Variants in C6orf52 observed in about 807,000 individuals in gnomAD.
The protein encoded by C6orf52 is putative uncharacterized protein C6orf52.
C6orf52 carries 16 observed loss-of-function variants against 16.6 expected under a neutral mutation model. The ratio of observed to expected loss-of-function variants is 0.96; its 90% CI spans 0.65 to 1.46. The LOEUF (loss-of-function observed/expected upper bound fraction) is 1.46, where lower values mean the gene tolerates loss of function less well. Ranked by LOEUF, C6orf52 falls within the 40% of genes most tolerant of loss-of-function variation. The pLI is 0.00. For synonymous variants in C6orf52, 53 were observed against 61.4 expected, an observed-to-expected ratio of 0.86 and a Z score of 0.64; for missense variants, 166 against 182.3, an observed-to-expected ratio of 0.91 and a Z score of 0.52.
chr6:10,672,961 T>C (rs946394795), intron 4 of C6orf52, among the ~76,000 whole-genome samples: 3 of 152,258 alleles, frequency 2.0e-5, no homozygotes, highest in African/African-American at 4.8e-5. Context: ...TTAGTCATCA[T>C]ATAAATTCCA....
chr6:10,684,453 A>G (rs767384345), intron 3 of C6orf52, among the ~76,000 whole-genome samples: 1 of 152,236 alleles, frequency 6.6e-6, no homozygotes, highest in Non-Finnish European at 1.5e-5. Flanking sequence ...TGTGGATGCT[A>G]AATAACCAGG....
chr6:10,674,249 C>A (rs1260281544), intron 4 of C6orf52, among the ~76,000 whole-genome samples: 1 of 152,150 alleles, frequency 6.6e-6, no homozygotes, highest in Non-Finnish European at 1.5e-5. Flanking sequence ...TCCCTAAAGA[C>A]CCATCTCCTA....
intron 4 of C6orf52, among the ~76,000 whole-genome samples, chr6:10,676,576 C>G (rs1019291779): frequency 4.6e-5 from 7 of 152,158 alleles, no homozygotes; most frequent in Non-Finnish European, 8.8e-5. Flanking sequence ...AAGGAGCGGA[C>G]AAGATGGCGG....
chr6:10,678,659 A>C (rs1044235134), intron 4 of C6orf52, among the ~76,000 whole-genome samples: 2 of 152,142 alleles, frequency 1.3e-5, no homozygotes, highest in African/African-American at 4.8e-5. Context: ...AGTTGTTTAC[A>C]TTGGCTGGGC....
At chr6:10,688,408 A>G (rs1447555781) in intron 1 of C6orf52, among the ~76,000 whole-genome samples, 1 of 152,220 alleles carries the variant, frequency 6.6e-6, no homozygotes, top group Non-Finnish European at 1.5e-5. Context: ...TGGGGCACTT[A>G]GGGTTTGGCC....
intron 1 of C6orf52, among the ~76,000 whole-genome samples, chr6:10,688,284 T>C (rs910894950): frequency 2.4e-4 from 36 of 152,198 alleles, no homozygotes; most frequent in Non-Finnish European, 1.2e-4. Context: ...GTAGGTTCTC[T>C]AACTTGACAG....
At chr6:10,689,723 C>T (rs1385429136) in intron 1 of C6orf52, among the ~76,000 whole-genome samples, 2 of 152,142 alleles carry the variant, frequency 1.3e-5, no homozygotes, top group African/African-American at 4.8e-5. Context: ...AACTCTGCAG[C>T]TATCTTGGAC....
Position 10,687,062 on chromosome 6 carries a change from G to A in C6orf52, c.174C>T (p.Gly58=), listed in dbSNP as rs555595208. ...ARQHGSYLLS[G]YSYGCAVDGN... ...CATCCACTGCACAGCCATAGCTGTAGCCAGAAAGAAGGTAAGAGCCGTGCT... is the reference window on the plus strand; with the variant it reads ...CATCCACTGCACAGCCATAGCTGTAACCAGAAAGAAGGTAAGAGCCGTGCT... The change falls in exon 3 of 5, where the codon GGC becomes GGT. Residue 58 remains glycine (G), a synonymous_variant. Coordinates refer to ENST00000259983, the MANE Select transcript of C6orf52 (RefSeq NM_001145020.3). 1 of 1,551,766 alleles carries A rather than the reference G, an allele frequency of 6.4e-7. No homozygotes were observed. Among genetic ancestry groups the A allele is most frequent in the East Asian group, 2.4e-5 (1 of 40,922 alleles).
chr6:10,673,206 CTG>C (rs906675293), intron 4 of C6orf52, among the ~76,000 whole-genome samples: 2 of 152,216 alleles, frequency 1.3e-5, no homozygotes, highest in Admixed American at 6.5e-5. Flanking sequence ...CTGCATGCCC[CTG>C]GTGGGGAAAG....
At chr6:10,680,675 T>TGA (rs1768299837) in intron 4 of C6orf52, among the ~76,000 whole-genome samples, 2 of 152,198 alleles carry the variant, frequency 1.3e-5, no homozygotes, top group African/African-American at 4.8e-5. Context: ...GAGGATCGCT[T>TGA]GAGCCTAAGA....
chr6:10,691,639 T>C (rs1475756677), intron 1 of C6orf52, among the ~76,000 whole-genome samples: 1 of 152,052 alleles, frequency 6.6e-6, no homozygotes, highest in South Asian at 2.1e-4. Flanking sequence ...TAAGACAATA[T>C]GAGGGGTGGT....
chr6:10,689,694 T>A (rs1176635485), intron 1 of C6orf52, among the ~76,000 whole-genome samples: 2 of 152,162 alleles, frequency 1.3e-5, no homozygotes, highest in African/African-American at 2.4e-5. Context: ...ATTACAAATA[T>A]GACGGCTGGT....
At position 10,685,282 on chromosome 6, in the gene C6orf52, C is replaced by T. The variant is rs1005089276; in HGVS notation, c.270+1684G>A. Among the ~76,000 whole-genome samples the T allele has an allele frequency of 5.5e-5, 8 of 144,796 alleles. No homozygotes were observed. The East Asian group carries it at 1.6e-3, about 29-fold the overall frequency. The allele number at this position is 144,796 out of a possible 152,430, so 95.0% of individuals were successfully genotyped here. A position where few individuals can be genotyped will look rare whatever the true frequency, so the allele number is the denominator to read the frequency against. ...AAAAAAAGAGTGCCAAAACCACAGG[C>T]AATGTAGTGAAAGATTTTTTTTTTA... On this transcript the variant is annotated intron_variant, in intron 3 of 4. Coordinates refer to ENST00000259983, the MANE Select transcript of C6orf52 (RefSeq NM_001145020.3).
chr6:10,691,175 T>G (rs151086609), intron 1 of C6orf52, among the ~76,000 whole-genome samples: 85 of 152,334 alleles, frequency 5.6e-4, no homozygotes, highest in African/African-American at 1.9e-3. Context: ...GAGGTACGCT[T>G]ACACTAATCT....
Position 10,687,093 on chromosome 6 carries a change from G to T in C6orf52, c.143C>A (p.Ala48Glu). 1.3e-6 allele frequency: 2 copies of T among 1,551,778 alleles called. 1 individual carries two copies. Among genetic ancestry groups the T allele is most frequent in the South Asian group, 2.4e-5 (2 of 84,060 alleles). ...AAGAAGGTAAGAGCCGTGCTGTCGC[G>T]CATACCAGTTGCCATAGCGGTAACT... ...SQSYRYGNWY[A>E]RQHGSYLLSG... Residue 48 changes from alanine to glutamate, a missense_variant, in exon 3 of 5, where the codon GCG (alanine) becomes GAG (glutamate). Transcript: ENST00000259983.
intron 4 of C6orf52, among the ~76,000 whole-genome samples, chr6:10,675,985 AG>A (rs1461204976): frequency 0.013 from 2,020 of 152,200 alleles, 46 homozygotes; most frequent in African/African-American, 0.046. Flanking sequence ...TACAAAAATT[AG>A]CTGGGCGTGG....
chr6:10,674,169 GA>G (rs1265929168), intron 4 of C6orf52, among the ~76,000 whole-genome samples: 2 of 152,110 alleles, frequency 1.3e-5, no homozygotes, highest in Non-Finnish European at 2.9e-5. Flanking sequence ...ATTCCCTCGT[GA>G]CTTTTATAAG....
Position 10,692,145 on chromosome 6 carries a change from T to G in C6orf52, c.-12+2349A>C, listed in dbSNP as rs1769370243. ...GTAACAGAATATACAAAGCATGATT[T>G]TGAAAGTTTTAGCGGTTTTTAATTT... On this transcript the variant is annotated intron_variant, in intron 1 of 4. Transcript: ENST00000259983. 2.0e-5 allele frequency among the ~76,000 whole-genome samples: 3 copies of G among 152,316 alleles called. No individual in the cohort carries two copies. In the South Asian group the frequency reaches 6.2e-4, roughly 32 times the overall value.
chr6:10,683,647 G>T (rs570696703), intron 3 of C6orf52, among the ~76,000 whole-genome samples: 46 of 152,318 alleles, frequency 3.0e-4, no homozygotes, highest in Middle Eastern at 3.4e-3. Context: ...AAGTCTCCAT[G>T]AGCACGTTTT....
Sources: allele counts gnomAD v4.1 joint callset (sites outside exome capture counted in the v4.1 genomes callset), GRCh38; gene constraint gnomAD v4.1.1; transcripts MANE v1.5; gene names NCBI Gene and HGNC (gene_info 2026-07-23, HGNC 2026-07-21).